MRM2: variants seen among roughly 807,000 people sequenced by gnomAD.
The protein encoded by MRM2 is mitochondrial rRNA methyltransferase 2.
In MRM2, 15 loss-of-function variants were observed where a neutral mutation model predicts 10.9. The ratio of observed to expected loss-of-function variants is 1.37; its 90% CI spans 0.92 to 2.11. The LOEUF is 2.11. Among genes scored for constraint, MRM2 ranks in the 30% most tolerant of loss-of-function variants. The pLI, the probability that MRM2 is intolerant of heterozygous loss-of-function variation, is 0.00. For missense variants in MRM2, 328 were observed against 321.3 expected (o/e 1.02, Z -0.16); for synonymous variants, 139 against 128.7 (o/e 1.08, Z -0.54).
At chr7:2,237,699 TGGGAGG>T (rs1236758458) in intron 2 of MRM2, among the ~76,000 whole-genome samples, 3 of 152,020 alleles carry the variant, frequency 2.0e-5, no homozygotes, top group African/African-American at 7.3e-5. Flanking sequence ...TCGAGGATGC[TGGGAGG>T]CAGAGGCGGG....
rs1191441918 is a variant in MRM2, at chr7:2,234,587, T to C, written c.*535A>G. On this transcript the variant is annotated 3_prime_UTR_variant, in exon 3 of 3. Coordinates refer to ENST00000242257, the MANE Select transcript of MRM2 (RefSeq NM_013393.3). Reference sequence around the variant, plus strand: ...CCAGGTTGGTCTTGAACTCCTGACTTCAAGCAATCCCCCAGCCTCAGCCTT... The same window carrying C: ...CCAGGTTGGTCTTGAACTCCTGACTCCAAGCAATCCCCCAGCCTCAGCCTT... The C allele has an allele frequency of 6.4e-6, 1 of 155,470 alleles. No homozygotes were observed. The highest frequency in any genetic ancestry group is 2.4e-5 in the African/African-American group (1 of 41,462). The allele number at this position is 155,470 out of a possible 1,614,324, so 9.6% of individuals were successfully genotyped here.
Position 2,235,017 on chromosome 7 carries a change from A to G in MRM2, c.*105T>C. 3.6e-6 allele frequency: 3 copies of G among 824,364 alleles called. No homozygotes were observed. Among genetic ancestry groups the G allele is most frequent in the Non-Finnish European group, 5.9e-6 (3 of 505,178 alleles). The allele number at this position is 824,364 out of a possible 1,614,324, so 51.1% of individuals were successfully genotyped here. Reference sequence around the variant, plus strand: ...AGAGACTCCCCACTTGTCCTGCTCCATCTCCAAAATCAGCTCAAATCTCCC... The same window carrying G: ...AGAGACTCCCCACTTGTCCTGCTCCGTCTCCAAAATCAGCTCAAATCTCCC... On this transcript the variant is annotated 3_prime_UTR_variant, in exon 3 of 3. Coordinates refer to ENST00000242257, the MANE Select transcript of MRM2 (RefSeq NM_013393.3).
At position 2,242,143 on chromosome 7, in the gene MRM2, G is replaced by A. The variant is rs756616006; in HGVS notation, c.8+19C>T. 2 of 1,583,824 alleles carry A rather than the reference G, an allele frequency of 1.3e-6. No homozygotes were observed. The highest frequency in any genetic ancestry group is 1.7e-6 in the Non-Finnish European group (2 of 1,168,860). On this transcript the variant is annotated intron_variant, in intron 1 of 2. Transcript: ENST00000242257. ...ACCACTCCCGCTGTCTGCACGCGCA[G>A]CAGCAGCGCCCAGCTCACCCCGCCA...
chr7:2,234,867 C>T lies in MRM2; in HGVS notation c.*255G>A, dbSNP rs756192311. The T allele has an allele frequency of 4.0e-6, 2 of 502,436 alleles. No individual in the cohort carries two copies. The highest frequency in any genetic ancestry group is 7.1e-6 in the Non-Finnish European group (2 of 281,318). The allele number at this position is 502,436 out of a possible 1,614,324, so 31.1% of individuals were successfully genotyped here. A position where few individuals can be genotyped will look rare whatever the true frequency, so the allele number is the denominator to read the frequency against. ...GTTTTTCTCCATCCTTCCATCCTCA[C>T]CTCTTTCTCTTGATAACTTTCTCTT... On this transcript the variant is annotated 3_prime_UTR_variant, in exon 3 of 3. Coordinates refer to ENST00000242257, the MANE Select transcript of MRM2 (RefSeq NM_013393.3).
rs368231095 is a variant in MRM2, at chr7:2,239,979, A to G, written c.9-272T>C. On this transcript the variant is annotated intron_variant, in intron 1 of 2. Transcript: ENST00000242257. ...TGTAATTCCAGCACTTTTGGAGGCC[A>G]AGACAGGTGGATCCCCTGAGGTCAG... Among the ~76,000 whole-genome samples, 5 of 152,298 alleles carry G rather than the reference A, an allele frequency of 3.3e-5. No individual in the cohort carries two copies. In the East Asian group the frequency reaches 5.8e-4, roughly 18 times the overall value.
At position 2,235,274 on chromosome 7, in the gene MRM2, C is replaced by A. The variant is rs1259091223; in HGVS notation, c.589G>T (p.Ala197Ser). ...PGGTFLCKTWAGSQSRRLQRR... is the reference protein window; with the variant it reads ...PGGTFLCKTWSGSQSRRLQRR... ...TGTAACCGACGGCTTTGACTTCCAGCCCAGGTTTTACAAAGGAATGTCCCC... is the reference window on the plus strand; with the variant it reads ...TGTAACCGACGGCTTTGACTTCCAGACCAGGTTTTACAAAGGAATGTCCCC... Residue 197 changes from alanine (A) to serine (S), a missense_variant, in exon 3 of 3, where the codon GCT (alanine) becomes TCT (serine). Coordinates refer to ENST00000242257, the MANE Select transcript of MRM2 (RefSeq NM_013393.3). 1.9e-6 allele frequency: 3 copies of A among 1,614,060 alleles called. No homozygotes were observed. The highest frequency in any genetic ancestry group is 8.5e-7 in the Non-Finnish European group (1 of 1,180,046).
chr7:2,240,388 C>G, intron 1 of MRM2: 1 of 366,024 alleles, frequency 2.7e-6, no homozygotes, highest in Non-Finnish European at 5.4e-6. Flanking sequence ...AGGGTCTGGC[C>G]TGTCACATTT....
chr7:2,237,290 G>A (rs1393646218), intron 2 of MRM2, among the ~76,000 whole-genome samples: 2 of 152,186 alleles, frequency 1.3e-5, no homozygotes, highest in African/African-American at 4.8e-5. Context: ...GAGCCACTGC[G>A]CCCGGCCTCA....
intron 2 of MRM2, among the ~76,000 whole-genome samples, chr7:2,236,700 CTT>C (rs1375970542): frequency 6.6e-6 from 1 of 152,164 alleles, no homozygotes; most frequent in East Asian, 1.9e-4. Flanking sequence ...AACACGGTCC[CTT>C]TCTCTCCCCC....
chr7:2,239,653 C>G lies in MRM2; in HGVS notation c.63G>C (p.Gly21=). The G allele has an allele frequency of 6.2e-7, 1 of 1,614,072 alleles. No individual in the cohort carries two copies. ...CGCCTGTCCGATTCTTGCAGCGACTCCCAACAGTGTGGAACCCTTGACGCT... is the reference window on the plus strand; with the variant it reads ...CGCCTGTCCGATTCTTGCAGCGACTGCCAACAGTGTGGAACCCTTGACGCT... ...SFQRQGFHTV[G]SRCKNRTGAE... Residue 21 remains glycine, a synonymous_variant, in exon 2 of 3, where the codon GGG becomes GGC. Transcript: ENST00000242257.
At chr7:2,241,841 C>T in intron 1 of MRM2, 2 of 374,486 alleles carry the variant, frequency 5.3e-6, no homozygotes, top group East Asian at 8.9e-5. Flanking sequence ...TGGAGCTACC[C>T]GGCCCAGAAG....
intron 2 of MRM2, chr7:2,238,994 TATATATATATATATATATATA>T: frequency 5.4e-5 from 3 of 55,166 alleles, no homozygotes; most frequent in Non-Finnish European, 9.2e-5. Context: ...TATATATATA[TATATATATATATATATATATA>T]TATATATATA....
chr7:2,237,719 A>C (rs1794442998), intron 2 of MRM2, among the ~76,000 whole-genome samples: 1 of 151,956 alleles, frequency 6.6e-6, no homozygotes, highest in African/African-American at 2.4e-5. Context: ...AGGCGGGCGG[A>C]TCACCTGAGG....
intron 2 of MRM2, chr7:2,237,891 C>CAAAAAAAA (rs11323829): frequency 4.3e-4 from 35 of 82,146 alleles, no homozygotes; most frequent in Middle Eastern, 7.2e-3. Flanking sequence ...GCTCTATAAA[C>CAAAAAAAA]AAAAAAAAAA....
intron 1 of MRM2, chr7:2,240,385 G>A (rs1479510640): frequency 5.4e-6 from 2 of 372,882 alleles, no homozygotes; most frequent in African/African-American, 4.3e-5. Flanking sequence ...CAGAGGGTCT[G>A]GCCTGTCACA....
intron 1 of MRM2, 115 bp downstream of exon 1, chr7:2,242,046 CG>C: frequency 1.7e-6 from 2 of 1,158,992 alleles, no homozygotes; most frequent in Admixed American, 2.4e-5. Flanking sequence ...TCGCTGAGTG[CG>C]GGGACGGTGC....
At chr7:2,238,476 A>G (rs538592357) in intron 2 of MRM2, 1 of 152,326 alleles carries the variant, frequency 6.6e-6, no homozygotes, top group East Asian at 1.9e-4. Context: ...TACAAAACAG[A>G]TGAAAACTGT....
Position 2,235,389 on chromosome 7 carries a change from AT to A in MRM2, c.473del (p.Asn158MetfsTer18), listed in dbSNP as rs1794401617. On this transcript the variant is annotated frameshift_variant, in exon 3 of 3. Transcript: ENST00000242257. LOFTEE classifies it low-confidence loss of function (END_TRUNC). ...GATCGAGGTCCCGGAACCCTGTGGC[AT>A]TGGGCGCCATGTCGCTCAGAATCAC... ...ADVILSDMAP[N>X]ATGFRDLDHD... 6.2e-7 allele frequency: 1 copy of A among 1,613,970 alleles called. No individual in the cohort carries two copies. The highest frequency in any genetic ancestry group is 1.3e-5 in the African/African-American group (1 of 74,898).
At chr7:2,240,787 C>T (rs1358889097) in intron 1 of MRM2, among the ~76,000 whole-genome samples, 3 of 152,084 alleles carry the variant, frequency 2.0e-5, no homozygotes, top group East Asian at 1.9e-4. Context: ...CTCCGACTCC[C>T]GGGTTCAAGC....
Sources: allele counts gnomAD v4.1 joint callset (sites outside exome capture counted in the v4.1 genomes callset), GRCh38; gene constraint gnomAD v4.1.1; transcripts MANE v1.5; gene names NCBI Gene and HGNC (gene_info 2026-07-23, HGNC 2026-07-21).